The following TROAP variants were observed in gnomAD, a reference collection of about 807,000 sequenced individuals.
TROAP encodes the protein tastin.
In TROAP, 62 loss-of-function variants were observed where a neutral mutation model predicts 83.4. The ratio of observed to expected loss-of-function variants is 0.74; its 90% CI spans 0.61 to 0.92. The LOEUF (loss-of-function observed/expected upper bound fraction) is 0.92. TROAP is among the 40% of genes least tolerant of loss of function. The probability of loss-of-function intolerance (pLI) is 0.00; values close to 1 mark genes in which losing one functional copy is unlikely to be tolerated. For synonymous variants in TROAP, 352 were observed against 386.4 expected (o/e 0.91, Z 1.04); for missense variants, 876 against 985.1 (o/e 0.89, Z 1.48).
In TROAP at chr12:49,329,196, A is replaced by G. The variant is rs556707830; in HGVS notation, c.1056A>G (p.Gln352=). The change falls in exon 10 of 15, where the codon CAA becomes CAG. Residue 352 remains glutamine (Q), a synonymous_variant. Coordinates refer to ENST00000257909, the MANE Select transcript of TROAP (RefSeq NM_005480.4). The surrounding 1 kb of genome is among the most constrained non-coding windows in gnomAD (Gnocchi z 4.5). ...CAGTGTTGCGGCGTCTCACCGTTCA[A>G]CCTAAAACCCGGTTCACACCCATGC... ...SYSVLRRLTV[Q]PKTRFTPMPS... is the part of the protein sequence containing the mutation. 6.2e-7 allele frequency: 1 copy of G among 1,613,956 alleles called. No individual in the cohort carries two copies. The highest frequency in any genetic ancestry group is 1.7e-5 in the Admixed American group (1 of 60,006).
chr12:49,328,514 T>C (rs1448606443), intron 8 of TROAP, among the ~76,000 whole-genome samples: 1 of 150,592 alleles, frequency 6.6e-6, no homozygotes, highest in Non-Finnish European at 1.5e-5. Context: ...TGAGCCACCA[T>C]GCCCGGCTTG....
At position 49,325,743 on chromosome 12, in the gene TROAP, C is replaced by T; in HGVS notation, c.496-4C>T. ...AGTGCTGACAGCCTCTGTTGGTGTC[C>T]CAGGGTGTTCGGGCCTCTGCATATT... is the stretch of plus-strand genomic sequence containing the variant. On this transcript the variant is annotated splice_region_variant and splice_polypyrimidine_tract_variant and intron_variant, in intron 4 of 14. Transcript: ENST00000257909. 2 of 1,613,424 alleles carry T rather than the reference C, an allele frequency of 1.2e-6. No individual in the cohort carries two copies. Among genetic ancestry groups the T allele is most frequent in the Non-Finnish European group, 1.7e-6 (2 of 1,179,716 alleles).
In TROAP at chr12:49,328,890, G is replaced by C. The variant is rs369928627; in HGVS notation, c.892-37G>C. 23 of 1,512,124 alleles carry C rather than the reference G, an allele frequency of 1.5e-5. No homozygotes were observed. The African/African-American group carries it at 2.8e-4, about 18-fold the overall frequency. The allele number at this position is 1,512,124 out of a possible 1,614,324, so 93.7% of individuals were successfully genotyped here. A position where few individuals can be genotyped will look rare whatever the true frequency, so the allele number is the denominator to read the frequency against. ...AAAAAAAAAATAGGAAGACAAAGGG[G>C]GCGGGGATCACTCTTCCACCTTTTT... On this transcript the variant is annotated intron_variant, in intron 8 of 14. Transcript: ENST00000257909.
chr12:49,326,430 T>G (rs1260177791), intron 6 of TROAP, among the ~76,000 whole-genome samples: 1 of 152,078 alleles, frequency 6.6e-6, no homozygotes, highest in Non-Finnish European at 1.5e-5. Context: ...GTGGCTAGAG[T>G]ATAGACTGTG....
chr12:49,331,139 G>A, intron 13 of TROAP, 75 bp from the exon 14 acceptor site: 1 of 1,594,764 alleles, frequency 6.3e-7, no homozygotes, highest in Non-Finnish European at 8.6e-7. Context: ...GCCGTTGGTG[G>A]GGGAGGAGGA....
chr12:49,331,195 A>G lies in TROAP; in HGVS notation c.2099-19A>G. The G allele has an allele frequency of 6.2e-7, 1 of 1,613,824 alleles. No individual in the cohort carries two copies. The highest frequency in any genetic ancestry group is 1.6e-4 in the Middle Eastern group (1 of 6,062). ...GTATAGGACCCCAGACCTCCCTCTA[A>G]ATTTTCCATGCCCCTCAGGCCTCAG... On this transcript the variant is annotated intron_variant, in intron 13 of 14. Coordinates refer to ENST00000257909, the MANE Select transcript of TROAP (RefSeq NM_005480.4).
At chr12:49,324,246 C>T (rs377315010) in intron 3 of TROAP, 426 of 1,592,694 alleles carry the variant, frequency 2.7e-4, no homozygotes, top group Non-Finnish European at 3.4e-4. Flanking sequence ...ATGGCTTGTA[C>T]CTGTAATCAC....
chr12:49,331,280 T>C lies in TROAP; in HGVS notation c.2165T>C (p.Ile722Thr). ...CGCCTCAAATCGTGTTTAACCGCCATCCACTGCTTCCACGAGGCTCGTCTG... is the reference window on the plus strand; with the variant it reads ...CGCCTCAAATCGTGTTTAACCGCCACCCACTGCTTCCACGAGGCTCGTCTG... ...RERLKSCLTAIHCFHEARLDD... is the reference protein window; with the variant it reads ...RERLKSCLTATHCFHEARLDD... Residue 722 changes from isoleucine (I) to threonine (T), a missense_variant, in exon 14 of 15, where the codon ATC (isoleucine) becomes ACC (threonine). Ile to Thr is a moderately conservative substitution (Grantham distance 89). Transcript: ENST00000257909. The C allele has an allele frequency of 6.2e-7, 1 of 1,614,206 alleles. No homozygotes were observed. Among genetic ancestry groups the C allele is most frequent in the Non-Finnish European group, 8.5e-7 (1 of 1,180,036 alleles).
rs753006677 is a variant in TROAP, at chr12:49,330,899, CT to C, written c.2055del (p.Ile686SerfsTer7). The C allele has an allele frequency of 8.7e-6, 14 of 1,612,616 alleles. No homozygotes were observed. Among genetic ancestry groups the C allele is most frequent in the Middle Eastern group, 1.6e-4 (1 of 6,084 alleles). ...CAACACCCGCTTTGTGCCAGCCCCC[CT>C]ATCTGCTCACTCCAGTCTTTGAGAC... ...SSQHPLCASP[P>X]ICSLQSLRPP... On this transcript the variant is annotated frameshift_variant, in exon 13 of 15. Coordinates refer to ENST00000257909, the MANE Select transcript of TROAP (RefSeq NM_005480.4). LOFTEE classifies it high-confidence loss of function.
At position 49,329,524 on chromosome 12, in the gene TROAP, T is replaced by A; in HGVS notation, c.1164+70T>A. On this transcript the variant is annotated intron_variant, in intron 11 of 14. Transcript: ENST00000257909. The surrounding 1 kb of genome is among the most constrained non-coding windows in gnomAD (Gnocchi z 4.5). ...CTGCCAGCCTGGAGGCCCAGGAGTT[T>A]GAGGCACACGTGCTTTCTGGGCCAG... is the stretch of plus-strand genomic sequence containing the variant. 6.6e-7 allele frequency: 1 copy of A among 1,523,284 alleles called. No homozygotes were observed. Among genetic ancestry groups the A allele is most frequent in the Non-Finnish European group, 8.9e-7 (1 of 1,129,036 alleles). The allele number at this position is 1,523,284 out of a possible 1,614,324, so 94.4% of individuals were successfully genotyped here. A position where few individuals can be genotyped will look rare whatever the true frequency, so the allele number is the denominator to read the frequency against.
Position 49,325,535 on chromosome 12 carries a change from T to G in TROAP, c.372T>G (p.Pro124=). The change falls in exon 4 of 15, where the codon CCT becomes CCG. Residue 124 remains proline (P), a synonymous_variant. Transcript: ENST00000257909. The part of the protein sequence containing the change: ...APGTIEFVAD[P]AALATILSGE... ...GGACCATAGAGTTTGTGGCTGACCC[T>G]GCAGCCCTGGCCACCATCCTGTCAG... 1 of 1,614,022 alleles carries G rather than the reference T, an allele frequency of 6.2e-7. No homozygotes were observed. The highest frequency in any genetic ancestry group is 8.5e-7 in the Non-Finnish European group (1 of 1,180,008).
At chr12:49,324,494 G>C in intron 3 of TROAP, 1 of 274,048 alleles carries the variant, frequency 3.6e-6, no homozygotes, top group Non-Finnish European at 6.7e-6. Context: ...TCTGTTACCT[G>C]TCTATAGTTT....
rs199747901 is a variant in TROAP, at chr12:49,326,723, A to C, written c.769+3A>C. On this transcript the variant is annotated splice_donor_region_variant and intron_variant, in intron 7 of 14. Coordinates refer to ENST00000257909, the MANE Select transcript of TROAP (RefSeq NM_005480.4). The stretch of plus-strand genomic sequence containing the variant: ...CCTGGAGACCCCAGTCCAGCCTGGT[A>C]AGTGTTTCTGGCGTGGGGAGAGAAC... 2.6e-4 allele frequency: 404 copies of C among 1,561,098 alleles called. No homozygotes were observed. Among genetic ancestry groups the C allele is most frequent in the Non-Finnish European group, 3.4e-4 (395 of 1,151,004 alleles).
At chr12:49,325,433 T>C in intron 3 of TROAP, 68 bp from the exon 4 acceptor site, 1 of 1,504,144 alleles carries the variant, frequency 6.6e-7, no homozygotes, top group Non-Finnish European at 8.9e-7. Flanking sequence ...TACCTCAAAG[T>C]TCCTATGCTA....
chr12:49,324,242 T>C (rs373198497), intron 3 of TROAP: 16 of 1,601,476 alleles, frequency 1.0e-5, no homozygotes, highest in Non-Finnish European at 1.3e-5. Context: ...TGCCATGGCT[T>C]GTACCTGTAA....
At chr12:49,324,743 TTTG>T (rs1234319670) in intron 3 of TROAP, among the ~76,000 whole-genome samples, 3 of 145,118 alleles carry the variant, frequency 2.1e-5, no homozygotes, top group African/African-American at 8.5e-5. Flanking sequence ...TTCTTTTTTT[TTTG>T]TGGAGACAGA....
rs1311896833 is a variant in TROAP, at chr12:49,329,047, C to T, written c.1012C>T (p.Pro338Ser). 6.8e-6 allele frequency: 11 copies of T among 1,611,476 alleles called. No individual in the cohort carries two copies. Among genetic ancestry groups the T allele is most frequent in the Non-Finnish European group, 9.3e-6 (11 of 1,178,180 alleles). ...RAQRVPSPGP[P>S]TLTSYSVLRR... is the part of the protein sequence containing the mutation. ...TCAGCGTGTACCCTCCCCAGGCCCT[C>T]CAACTCTGGTTTGTGTCAACAACTG... is the stretch of plus-strand genomic sequence containing the variant. Residue 338 changes from proline to serine, a missense_variant, in exon 9 of 15, where the codon CCA (proline) becomes TCA (serine). Coordinates refer to ENST00000257909, the MANE Select transcript of TROAP (RefSeq NM_005480.4). The surrounding 1 kb of genome is among the most constrained non-coding windows in gnomAD (Gnocchi z 4.5).
chr12:49,325,431 A>C, intron 3 of TROAP, 70 bp from the exon 4 acceptor site: 1 of 1,493,430 alleles, frequency 6.7e-7, no homozygotes. Flanking sequence ...TGTACCTCAA[A>C]GTTCCTATGC....
At chr12:49,325,411 T>C (rs1039254897) in intron 3 of TROAP, 90 bp from the exon 4 acceptor site, 23 of 1,345,272 alleles carry the variant, frequency 1.7e-5, no homozygotes, top group Non-Finnish European at 2.2e-5. Context: ...AATGAGTCTC[T>C]TGCTCACCTT....
Sources: allele counts gnomAD v4.1 joint callset (sites outside exome capture counted in the v4.1 genomes callset), GRCh38; gene constraint gnomAD v4.1.1; non-coding constraint Gnocchi (gnomAD v3.1); transcripts MANE v1.5; gene names NCBI Gene and HGNC (gene_info 2026-07-23, HGNC 2026-07-21).